CHCHD3: variants seen among roughly 807,000 people sequenced by gnomAD.
The protein encoded by CHCHD3 is coiled-coil-helix-coiled-coil-helix domain containing 3, also known as MICOS complex subunit MIC19.
In CHCHD3, 20 loss-of-function variants were observed where a neutral mutation model predicts 38.2. The observed-to-expected ratio is 0.52, with a 90% CI of 0.37 to 0.76. CHCHD3 has a LOEUF of 0.76. CHCHD3 is among the 30% of genes least tolerant of loss of function. The probability of loss-of-function intolerance (pLI) is 0.00; values close to 1 mark genes in which losing one functional copy is unlikely to be tolerated. For missense variants in CHCHD3, 245 were observed against 279.2 expected, an observed-to-expected ratio of 0.88 and a Z score of 0.87; for synonymous variants, 82 against 100.0, an observed-to-expected ratio of 0.82 and a Z score of 1.07.
chr7:132,846,061 C>T lies in CHCHD3; in HGVS notation c.454-7592G>A, dbSNP rs548209470. 9.9e-5 allele frequency among the ~76,000 whole-genome samples: 15 copies of T among 152,258 alleles called. No individual in the cohort carries two copies. In the South Asian group the frequency reaches 2.3e-3, roughly 23 times the overall value. On this transcript the variant is annotated intron_variant, in intron 5 of 7. Coordinates refer to ENST00000262570, the MANE Select transcript of CHCHD3 (RefSeq NM_017812.4). ...TCTCTCAGAACCCAGTGGTAGATGG[C>T]AAAAATGGCCACCATGCTTTACTCT...
chr7:132,949,161 C>G (rs1379257412), intron 4 of CHCHD3, among the ~76,000 whole-genome samples: 1 of 152,106 alleles, frequency 6.6e-6, no homozygotes, highest in Non-Finnish European at 1.5e-5. Flanking sequence ...CTTCATATAT[C>G]TATCTATAAC....
intron 6 of CHCHD3, among the ~76,000 whole-genome samples, chr7:132,834,373 C>T (rs1029542478): frequency 1.3e-5 from 2 of 152,028 alleles, no homozygotes; most frequent in Non-Finnish European, 2.9e-5. Flanking sequence ...GGAGAAAAAA[C>T]GATATAATGA....
At chr7:133,051,960 G>T (rs1355422316) in intron 2 of CHCHD3, 3 of 152,096 alleles carry the variant, frequency 2.0e-5, no homozygotes, top group Non-Finnish European at 2.9e-5. Context: ...GAACACTAAG[G>T]CCCAGAGAAA....
intron 4 of CHCHD3, among the ~76,000 whole-genome samples, chr7:132,923,525 T>C (rs1418191422): frequency 2.6e-5 from 4 of 152,036 alleles, no homozygotes; most frequent in East Asian, 1.9e-4. Flanking sequence ...AGTAGTTACG[T>C]TGAATAAGAT....
intron 3 of CHCHD3, among the ~76,000 whole-genome samples, chr7:132,979,798 A>T (rs1213713230): frequency 6.6e-6 from 1 of 152,218 alleles, no homozygotes; most frequent in Non-Finnish European, 1.5e-5. Flanking sequence ...TCTAAGTTGT[A>T]CCATTTCCCA....
intron 4 of CHCHD3, among the ~76,000 whole-genome samples, chr7:132,885,991 G>A (rs575500976): frequency 3.3e-5 from 5 of 152,184 alleles, no homozygotes; most frequent in African/African-American, 1.2e-4. Context: ...ATTAGGAAAC[G>A]TCAGAATACA....
chr7:132,984,563 A>C (rs1812030639), intron 3 of CHCHD3, among the ~76,000 whole-genome samples: 1 of 128,580 alleles, frequency 7.8e-6, no homozygotes, highest in Non-Finnish European at 1.7e-5. Flanking sequence ...CTGGCTGCCC[A>C]GTCTGGAAAG....
chr7:132,789,622 T>C (rs1279591203), intron 7 of CHCHD3, among the ~76,000 whole-genome samples: 2 of 152,224 alleles, frequency 1.3e-5, no homozygotes, highest in Admixed American at 6.5e-5. Flanking sequence ...TTGACTATCA[T>C]AGCAGCATGC....
At chr7:133,067,370 TTTAA>T (rs1273643112) in intron 2 of CHCHD3, among the ~76,000 whole-genome samples, 4 of 152,226 alleles carry the variant, frequency 2.6e-5, no homozygotes, top group Non-Finnish European at 4.4e-5. Context: ...AAGAAAATGT[TTTAA>T]TTAAACTACA....
rs570430616 is a variant in CHCHD3 at position 133,053,387 on chromosome 7, G to A, written c.169+16755C>T. On this transcript the variant is annotated intron_variant, in intron 2 of 7. Transcript: ENST00000262570. ...AGAGAATCTCCCACCAAATCCTGAC[G>A]CCTCTGCCTCTCTCTGGTCTAGTGA... 5.3e-5 allele frequency among the ~76,000 whole-genome samples: 8 copies of A among 152,230 alleles called. No individual in the cohort carries two copies. The South Asian group carries it at 8.3e-4, about 16-fold the overall frequency.
At chr7:132,932,357 A>G (rs1288445307) in intron 4 of CHCHD3, among the ~76,000 whole-genome samples, 2 of 152,226 alleles carry the variant, frequency 1.3e-5, no homozygotes. Context: ...ATGAAAAAGA[A>G]AGATTGCAGG....
intron 5 of CHCHD3, among the ~76,000 whole-genome samples, chr7:132,873,203 G>C (rs1808808184): frequency 6.6e-6 from 1 of 152,072 alleles, no homozygotes; most frequent in Non-Finnish European, 1.5e-5. Context: ...CAGAGGGAGA[G>C]GCCATTGGTG....
intron 5 of CHCHD3, among the ~76,000 whole-genome samples, chr7:132,844,305 C>CA (rs1396170502): frequency 6.6e-6 from 1 of 151,436 alleles, no homozygotes; most frequent in Non-Finnish European, 1.5e-5. Flanking sequence ...TCAAAAAAAA[C>CA]AAAAAAATGT....
At chr7:132,833,449 C>T (rs1183502643) in intron 6 of CHCHD3, among the ~76,000 whole-genome samples, 2 of 152,160 alleles carry the variant, frequency 1.3e-5, no homozygotes, top group Non-Finnish European at 2.9e-5. Flanking sequence ...TTTTTAATAA[C>T]TTGATATGCA....
intron 6 of CHCHD3, among the ~76,000 whole-genome samples, chr7:132,824,516 A>G (rs201368440): frequency 6.6e-6 from 1 of 151,982 alleles, no homozygotes; most frequent in African/African-American, 2.4e-5. Flanking sequence ...GGGTTTCACC[A>G]TGTTAGCCAG....
At chr7:132,791,400 A>G (rs1806456982) in intron 7 of CHCHD3, among the ~76,000 whole-genome samples, 1 of 152,206 alleles carries the variant, frequency 6.6e-6, no homozygotes, top group Non-Finnish European at 1.5e-5. Flanking sequence ...TTGCACATGA[A>G]AAAAATGAGG....
At chr7:132,926,073 A>G (rs1201416867) in intron 4 of CHCHD3, among the ~76,000 whole-genome samples, 1 of 152,216 alleles carries the variant, frequency 6.6e-6, no homozygotes, top group African/African-American at 2.4e-5. Flanking sequence ...TTAGCTGTAG[A>G]CCATGGCAAG....
chr7:132,906,157 T>C (rs1436288595), intron 4 of CHCHD3, among the ~76,000 whole-genome samples: 1 of 152,198 alleles, frequency 6.6e-6, no homozygotes, highest in Non-Finnish European at 1.5e-5. Context: ...ACATGATAAA[T>C]ACATACAATG....
At chr7:132,965,057 T>TTGTGTGTG (rs932006782) in intron 4 of CHCHD3, among the ~76,000 whole-genome samples, 3 of 57,482 alleles carry the variant, frequency 5.2e-5, no homozygotes, top group South Asian at 1.0e-3. Context: ...GCTATGGGTT[T>TTGTGTGTG]TATGTGTGTG....
Sources: allele counts gnomAD v4.1 joint callset (sites outside exome capture counted in the v4.1 genomes callset), GRCh38; gene constraint gnomAD v4.1.1; transcripts MANE v1.5; gene names NCBI Gene and HGNC (gene_info 2026-07-23, HGNC 2026-07-21).